The following DLGAP1 variants were observed in gnomAD, a reference collection of about 807,000 sequenced individuals.
DLGAP1 encodes the protein DLG associated protein 1, also known as disks large-associated protein 1.
A neutral mutation model predicts 90.8 loss-of-function variants in DLGAP1; 11 were observed. That is an observed-to-expected ratio of 0.12 (90% CI 0.08 to 0.20). The LOEUF is 0.20. Ranked by LOEUF, DLGAP1 falls within the 10% of genes least tolerant of loss-of-function variation. The pLI is 1.00. For synonymous variants in DLGAP1, 558 were observed against 540.7 expected (o/e 1.03, Z -0.44); for missense variants, 1,050 against 1,333.8 (o/e 0.79, Z 3.31).
At chr18:4,007,382 G>A (rs2074323733) in intron 2 of DLGAP1, among the ~76,000 whole-genome samples, 1 of 152,156 alleles carries the variant, frequency 6.6e-6, no homozygotes, top group African/African-American at 2.4e-5. Flanking sequence ...CTGGCCGGGT[G>A]CAGTGGCTCA....
At chr18:3,961,894 T>C (rs766892029) in intron 3 of DLGAP1, among the ~76,000 whole-genome samples, 11 of 152,174 alleles carry the variant, frequency 7.2e-5, no homozygotes, top group Non-Finnish European at 1.2e-4. Context: ...CACAGGACAG[T>C]GGCTTGGGTT....
intron 5 of DLGAP1, among the ~76,000 whole-genome samples, chr18:3,788,062 A>G (rs556963015): frequency 6.6e-6 from 1 of 152,322 alleles, no homozygotes; most frequent in South Asian, 2.1e-4. Context: ...AGGCCACTGC[A>G]TGTTCTTCAA....
intron 1 of DLGAP1, among the ~76,000 whole-genome samples, chr18:4,235,683 C>T (rs1202906533): frequency 6.9e-6 from 1 of 144,890 alleles, no homozygotes; most frequent in Non-Finnish European, 1.5e-5. Context: ...TGTCTGTCAA[C>T]ATGGTTTACA....
intron 7 of DLGAP1, among the ~76,000 whole-genome samples, chr18:3,623,691 C>T (rs1311150023): frequency 6.8e-6 from 1 of 147,256 alleles, no homozygotes; most frequent in Non-Finnish European, 1.5e-5. Flanking sequence ...GCAGGAGAAT[C>T]GCTTGAACCT....
At position 3,690,105 on chromosome 18, in the gene DLGAP1, T is replaced by A. The variant is rs552011408; in HGVS notation, c.1591+39030A>T. Reference sequence around the variant, plus strand: ...GCGGGCTGGGTGAGGTTTTTTTTTTTTTTTTTTTTTTTTGACAGTGTTTCA... The same window carrying A: ...GCGGGCTGGGTGAGGTTTTTTTTTTATTTTTTTTTTTTTGACAGTGTTTCA... On this transcript the variant is annotated intron_variant, in intron 7 of 12. Coordinates refer to ENST00000315677, the MANE Select transcript of DLGAP1 (RefSeq NM_004746.4). Among the ~76,000 whole-genome samples, 5 of 105,604 alleles carry A rather than the reference T, an allele frequency of 4.7e-5. No homozygotes were observed. The South Asian group carries it at 2.0e-3, about 41-fold the overall frequency. 69.3% of individuals were successfully genotyped at this position (105,604 alleles called of 152,430 possible). A position where few individuals can be genotyped will look rare whatever the true frequency, so the allele number is the denominator to read the frequency against.
chr18:4,375,043 A>T (rs921451066), intron 1 of DLGAP1, among the ~76,000 whole-genome samples: 1 of 152,178 alleles, frequency 6.6e-6, no homozygotes, highest in African/African-American at 2.4e-5. Context: ...CATAATTCAC[A>T]TAAATAAATT....
In DLGAP1 at chr18:3,729,190, C is replaced by T; in HGVS notation, c.1536G>A (p.Arg512=). 6.2e-7 allele frequency: 1 copy of T among 1,613,782 alleles called. No individual in the cohort carries two copies. ...CSQDDECVSL[R]SSSPPRTTTT... Reference sequence around the variant, plus strand: ...TGGTGGTGCGCGGCGGCGAGGACGACCTCAGGGACACGCACTCGTCGTCCT... The same window carrying T: ...TGGTGGTGCGCGGCGGCGAGGACGATCTCAGGGACACGCACTCGTCGTCCT... The change falls in exon 7 of 13, where the codon AGG becomes AGA. Residue 512 remains arginine (R), a synonymous_variant. Transcript: ENST00000315677. The surrounding 1 kb of genome is among the most constrained non-coding windows in gnomAD (Gnocchi z 6.2).
Position 3,720,888 on chromosome 18 carries a change from C to CCAAAAAAAAAAAAAAAAAAA in DLGAP1, c.1591+8246_1591+8247insTTTTTTTTTTTTTTTTTTTG, listed in dbSNP as rs1441095000. On this transcript the variant is annotated intron_variant, in intron 7 of 12. Coordinates refer to ENST00000315677, the MANE Select transcript of DLGAP1 (RefSeq NM_004746.4). ...GCAACATACTAAGACCTTGTCTCTA[C>CCAAAAAAAAAAAAAAAAAAA]AAAAAAAAAAAAAAAAAAAAATTAG... Among the ~76,000 whole-genome samples, 61 of 50,304 alleles carry CCAAAAAAAAAAAAAAAAAAA rather than the reference C, an allele frequency of 1.2e-3. 4 individuals carry two copies. Among genetic ancestry groups the CCAAAAAAAAAAAAAAAAAAA allele is most frequent in the Middle Eastern group, 0.015 (1 of 66 alleles). 33.0% of individuals were successfully genotyped at this position (50,304 alleles called of 152,430 possible).
At chr18:4,345,540 G>A (rs556433166) in intron 1 of DLGAP1, among the ~76,000 whole-genome samples, 22 of 152,270 alleles carry the variant, frequency 1.4e-4, no homozygotes, top group Admixed American at 7.2e-4. Flanking sequence ...TTGGTTTTAC[G>A]TGGCAGAAAC....
At chr18:3,944,028 A>C (rs73376531) in intron 3 of DLGAP1, among the ~76,000 whole-genome samples, 2,677 of 152,244 alleles carry the variant, frequency 0.018, 93 homozygotes, top group African/African-American at 0.061. Context: ...TGTTTAAGCC[A>C]CTCAGTATGT....
chr18:3,742,625 T>C (rs536567516), intron 5 of DLGAP1, 113 bp from the exon 6 acceptor site: 2 of 1,240,118 alleles, frequency 1.6e-6, no homozygotes, highest in South Asian at 1.4e-5. Context: ...ACAAATGACA[T>C]AGATGCCCTT....
intron 3 of DLGAP1, among the ~76,000 whole-genome samples, chr18:3,926,399 GACATAT>G (rs1442958323): frequency 4.7e-5 from 2 of 42,824 alleles, no homozygotes; most frequent in African/African-American, 1.2e-4. Flanking sequence ...GTAAGCAAAT[GACATAT>G]ATATATATAT....
chr18:4,177,197 T>C (rs907285391), intron 1 of DLGAP1, among the ~76,000 whole-genome samples: 1 of 152,202 alleles, frequency 6.6e-6, no homozygotes, highest in Admixed American at 6.5e-5. Flanking sequence ...GATTCTTCAG[T>C]ATATGCCCCT....
chr18:4,089,175 C>G (rs1295414233), intron 2 of DLGAP1, among the ~76,000 whole-genome samples: 5 of 152,000 alleles, frequency 3.3e-5, no homozygotes, highest in South Asian at 2.1e-4. Context: ...AACAGAGAGC[C>G]AAATCATGAA....
rs57042860 is a variant in DLGAP1 at position 3,904,749 on chromosome 18, T to C, written c.-72-24609A>G. Among the ~76,000 whole-genome samples, 305 of 152,326 alleles carry C rather than the reference T, an allele frequency of 2.0e-3. 1 individual carries two copies. The highest frequency in any genetic ancestry group is 6.5e-3 in the African/African-American group (271 of 41,576). On this transcript the variant is annotated intron_variant, in intron 3 of 12. Transcript: ENST00000315677. ...TATTTTTATAAAGGAATATAATTGA[T>C]ACAAATGTTAATTGATAATGTTTGA... is the stretch of plus-strand genomic sequence containing the variant.
At chr18:3,582,908 C>T (rs963774522) in intron 7 of DLGAP1, among the ~76,000 whole-genome samples, 2 of 137,986 alleles carry the variant, frequency 1.4e-5, no homozygotes, top group Non-Finnish European at 1.5e-5. Flanking sequence ...TTCCTTTTTC[C>T]CTCCTTCCTG....
At chr18:4,191,228 C>T (rs144515402) in intron 1 of DLGAP1, among the ~76,000 whole-genome samples, 8 of 152,246 alleles carry the variant, frequency 5.3e-5, no homozygotes, top group African/African-American at 1.2e-4. Flanking sequence ...TGTTTCTACA[C>T]ATTTCACAAC....
chr18:3,873,390 T>C (rs2070871628), intron 4 of DLGAP1, among the ~76,000 whole-genome samples: 1 of 152,138 alleles, frequency 6.6e-6, no homozygotes, highest in Non-Finnish European at 1.5e-5. Flanking sequence ...AACCTTGACA[T>C]TCACTTGCTG....
At chr18:4,294,588 TGA>T (rs2079929873) in intron 1 of DLGAP1, 1 of 152,166 alleles carries the variant, frequency 6.6e-6, no homozygotes, top group South Asian at 2.1e-4. Flanking sequence ...TGTCTAGGGG[TGA>T]GTTTCTGTGA....
Sources: allele counts gnomAD v4.1 joint callset (sites outside exome capture counted in the v4.1 genomes callset), GRCh38; gene constraint gnomAD v4.1.1; non-coding constraint Gnocchi (gnomAD v3.1); transcripts MANE v1.5; gene names NCBI Gene and HGNC (gene_info 2026-07-23, HGNC 2026-07-21).